NDUFA12: variants seen among roughly 807,000 people sequenced by gnomAD.
NDUFA12 encodes NADH dehydrogenase [ubiquinone] 1 alpha subcomplex subunit 12.
NDUFA12 carries 17 observed loss-of-function variants against 20.3 expected under a neutral mutation model. The ratio of observed to expected loss-of-function variants is 0.84; its 90% CI spans 0.57 to 1.26. The LOEUF (loss-of-function observed/expected upper bound fraction) is 1.26, where lower values mean the gene tolerates loss of function less well. Ranked by LOEUF, NDUFA12 falls within the 50% of genes most tolerant of loss-of-function variation. NDUFA12 has a pLI of 0.00. For missense variants in NDUFA12, 191 were observed against 183.7 expected, an observed-to-expected ratio of 1.04 and a Z score of -0.23; for synonymous variants, 72 against 63.6, an observed-to-expected ratio of 1.13 and a Z score of -0.63.
chr12:94,980,224 C>T (rs752455118), intron 3 of NDUFA12, among the ~76,000 whole-genome samples: 1 of 152,164 alleles, frequency 6.6e-6, no homozygotes, highest in African/African-American at 2.4e-5. Flanking sequence ...GTAGATTTCA[C>T]AACAGGTATC....
intron 3 of NDUFA12, among the ~76,000 whole-genome samples, chr12:94,991,273 AAAT>A (rs755929422): frequency 3.3e-5 from 5 of 151,770 alleles, no homozygotes; most frequent in Non-Finnish European, 5.9e-5. Context: ...CCCCGTCTCA[AAAT>A]AATAATAATA....
chr12:94,997,686 C>T (rs1874882909), intron 2 of NDUFA12, among the ~76,000 whole-genome samples: 2 of 152,032 alleles, frequency 1.3e-5, no homozygotes, highest in Non-Finnish European at 2.9e-5. Flanking sequence ...CTCATTAGAG[C>T]ATTTCAGATT....
intron 3 of NDUFA12, among the ~76,000 whole-genome samples, chr12:94,986,251 A>G (rs1237661490): frequency 6.6e-6 from 1 of 151,998 alleles, no homozygotes; most frequent in African/African-American, 2.4e-5. Context: ...CAAAAGAAAA[A>G]AAAAGAAAAA....
chr12:94,987,802 A>C (rs1470466079), intron 3 of NDUFA12, among the ~76,000 whole-genome samples: 1 of 128,288 alleles, frequency 7.8e-6, no homozygotes, highest in Non-Finnish European at 1.7e-5. Flanking sequence ...AAAAAAAAAA[A>C]AAAAAAAAAA....
In NDUFA12 at chr12:94,971,492, G is replaced by A. The variant is rs2136056233; in HGVS notation, c.386C>T (p.Thr129Ile). 6.2e-7 allele frequency: 1 copy of A among 1,614,170 alleles called. No homozygotes were observed. The highest frequency in any genetic ancestry group is 8.5e-7 in the Non-Finnish European group (1 of 1,180,028). ...GTPEQYVPYS[T>I]TRKKIQEWIP... ...CCACTCCTGAATCTTCTTTCTAGTG[G>A]TAGAATAAGGTACATATTGTTCTGG... is the stretch of plus-strand genomic sequence containing the variant. Residue 129 changes from threonine (T) to isoleucine (I), a missense_variant, in exon 4 of 4, where the codon ACC becomes ATC. Transcript: ENST00000327772.
At chr12:95,002,375 G>A (rs1875073000) in intron 2 of NDUFA12, among the ~76,000 whole-genome samples, 1 of 134,984 alleles carries the variant, frequency 7.4e-6, no homozygotes, top group Non-Finnish European at 1.5e-5. Context: ...CCAGGAGGTG[G>A]AGGTTGCAGT....
At chr12:95,002,890 G>A (rs1246169500) in intron 1 of NDUFA12, 69 bp from the exon 2 acceptor site, 5 of 1,383,918 alleles carry the variant, frequency 3.6e-6, no homozygotes, top group Non-Finnish European at 4.1e-6. Context: ...CGGAAATAAA[G>A]TGAGAGTAAC....
At chr12:94,983,721 C>T (rs966528137) in intron 3 of NDUFA12, among the ~76,000 whole-genome samples, 1 of 151,348 alleles carries the variant, frequency 6.6e-6, no homozygotes, top group Non-Finnish European at 1.5e-5. Context: ...GCATCACTAG[C>T]ACCCTAGTCC....
In NDUFA12 at chr12:94,987,917, G is replaced by A. The variant is rs536044040; in HGVS notation, c.257+6253C>T. 2.6e-5 allele frequency among the ~76,000 whole-genome samples: 4 copies of A among 151,784 alleles called. No individual in the cohort carries two copies. The East Asian group carries it at 7.7e-4, about 29-fold the overall frequency. ...AAAGATATCCTCCCTATACCAGAAGGAAACTATCATTCTACATCAAGGACA... is the reference window on the plus strand; with the variant it reads ...AAAGATATCCTCCCTATACCAGAAGAAAACTATCATTCTACATCAAGGACA... On this transcript the variant is annotated intron_variant, in intron 3 of 3. Coordinates refer to ENST00000327772, the MANE Select transcript of NDUFA12 (RefSeq NM_018838.5).
At chr12:94,988,242 G>A (rs1469878587) in intron 3 of NDUFA12, among the ~76,000 whole-genome samples, 2 of 152,122 alleles carry the variant, frequency 1.3e-5, no homozygotes, top group African/African-American at 4.8e-5. Context: ...GAGGATAAGG[G>A]TAAAATTTTG....
At chr12:94,975,851 C>G (rs1033339409) in intron 3 of NDUFA12, among the ~76,000 whole-genome samples, 1 of 152,072 alleles carries the variant, frequency 6.6e-6, no homozygotes, top group Non-Finnish European at 1.5e-5. Context: ...GAGTTCGAGA[C>G]CAGCCTGGGC....
intron 2 of NDUFA12, among the ~76,000 whole-genome samples, chr12:94,995,773 A>G (rs912987441): frequency 3.3e-5 from 5 of 152,206 alleles, no homozygotes; most frequent in African/African-American, 1.2e-4. Context: ...GCAGGTTTAC[A>G]GTAGCATCAT....
intron 3 of NDUFA12, chr12:94,972,374 T>A: frequency 2.5e-6 from 1 of 396,200 alleles, no homozygotes; most frequent in Non-Finnish European, 5.2e-6. Context: ...TGGAAATGCA[T>A]TTTAGAACTG....
Position 94,984,550 on chromosome 12 carries a change from C to CA in NDUFA12, c.257+9619dup, listed in dbSNP as rs149020862. ...CGTCTCCAAAGAAACAAAAAAGCAA[C>CA]AAAAAAAAGCAAACAAACACAGGGC... On this transcript the variant is annotated intron_variant, in intron 3 of 3. Coordinates refer to ENST00000327772, the MANE Select transcript of NDUFA12 (RefSeq NM_018838.5). 6.4e-3 allele frequency among the ~76,000 whole-genome samples: 967 copies of CA among 149,944 alleles called. 11 individuals carry two copies. The highest frequency in any genetic ancestry group is 0.022 in the African/African-American group (900 of 40,768).
intron 3 of NDUFA12, among the ~76,000 whole-genome samples, chr12:94,983,274 C>T (rs533807484): frequency 6.6e-6 from 1 of 152,290 alleles, no homozygotes; most frequent in Non-Finnish European, 1.5e-5. Context: ...TATTCACACC[C>T]TTGTATAATA....
intron 2 of NDUFA12, among the ~76,000 whole-genome samples, chr12:95,001,891 G>A (rs1369446598): frequency 6.6e-6 from 1 of 151,650 alleles, no homozygotes; most frequent in African/African-American, 2.4e-5. Context: ...TTTTAGTAGC[G>A]ACTGGGTTTC....
chr12:94,976,486 C>T (rs1023244785), intron 3 of NDUFA12, among the ~76,000 whole-genome samples: 4 of 152,290 alleles, frequency 2.6e-5, no homozygotes, highest in South Asian at 2.1e-4. Flanking sequence ...TTATGCACAA[C>T]CTCCTGTATA....
intron 3 of NDUFA12, among the ~76,000 whole-genome samples, chr12:94,975,260 T>C (rs528007041): frequency 6.6e-6 from 1 of 151,736 alleles, no homozygotes; most frequent in African/African-American, 2.4e-5. Flanking sequence ...AGAAAAAAGG[T>C]TCATCTATCA....
At chr12:94,992,454 T>C (rs1443178164) in intron 3 of NDUFA12, among the ~76,000 whole-genome samples, 2 of 152,176 alleles carry the variant, frequency 1.3e-5, no homozygotes, top group Admixed American at 6.5e-5. Context: ...CTATGGCATA[T>C]TGTTTTTCCA....
Sources: gnomAD v4.1 joint callset for allele counts (sites outside exome capture counted in the v4.1 genomes callset) on GRCh38, gnomAD v4.1.1 for gene constraint, MANE v1.5 for transcripts, NCBI Gene and HGNC (gene_info 2026-07-23, HGNC 2026-07-21) for gene names.